Variants in AFF2 observed in about 807,000 individuals in gnomAD.
AFF2 encodes ALF transcription elongation factor 2.
In AFF2, 14 loss-of-function variants were observed where a neutral mutation model predicts 76.9. That is an observed-to-expected ratio of 0.18 (90% CI 0.12 to 0.28). The LOEUF (loss-of-function observed/expected upper bound fraction) is 0.28. AFF2 is among the 10% of genes least tolerant of loss of function. AFF2 has a pLI of 1.00. For missense variants in AFF2, 868 were observed against 1,001.1 expected (o/e 0.87, Z 1.79); for synonymous variants, 398 against 366.7 (o/e 1.09, Z -0.98).
chrX:148,816,933 CAAA>C (rs143691805), intron 4 of AFF2, among the ~76,000 whole-genome samples: 4 of 84,471 alleles, frequency 4.7e-5, no homozygotes, highest in African/African-American at 1.8e-4. Flanking sequence ...AAGATCTATG[CAAA>C]AAAAAAAAAA....
At chrX:148,581,064 T>TATATTTCCAC (rs1557244453) in intron 1 of AFF2, among the ~76,000 whole-genome samples, 1 of 99,625 alleles carries the variant, frequency 1.0e-5, no homozygotes, top group African/African-American at 3.7e-5. Flanking sequence ...TGTGTATATG[T>TATATTTCCAC]ATATATACAC....
chrX:148,767,939 T>A (rs1347248387), intron 3 of AFF2, among the ~76,000 whole-genome samples: 2 of 110,442 alleles, frequency 1.8e-5, no homozygotes, highest in Non-Finnish European at 3.8e-5. Context: ...AATTGTAACA[T>A]GTGCTCTATC....
intron 3 of AFF2, among the ~76,000 whole-genome samples, chrX:148,720,964 G>T (rs781904905): frequency 9.0e-6 from 1 of 111,653 alleles, no homozygotes; most frequent in South Asian, 3.8e-4. Context: ...CCTCCATAGA[G>T]ATATGAGATA....
At chrX:148,857,336 A>G (rs975289882) in intron 7 of AFF2, among the ~76,000 whole-genome samples, 1 of 111,645 alleles carries the variant, frequency 9.0e-6, no homozygotes, top group African/African-American at 3.2e-5. Flanking sequence ...CTTCAGGCCC[A>G]ATAGACGAAT....
At chrX:148,715,052 A>G (rs2055011726) in intron 3 of AFF2, among the ~76,000 whole-genome samples, 1 of 110,560 alleles carries the variant, frequency 9.0e-6, no homozygotes, top group Non-Finnish European at 1.9e-5. Context: ...GCCAGGAAAA[A>G]CCAGGAATGC....
At chrX:148,572,961 C>T (rs6641239) in intron 1 of AFF2, among the ~76,000 whole-genome samples, 13,876 of 110,336 alleles carry the variant, frequency 0.13, 829 homozygotes, top group Non-Finnish European at 0.18. Context: ...CTAGCTTTAA[C>T]ATTCACTGAT....
intron 9 of AFF2, among the ~76,000 whole-genome samples, chrX:148,911,112 TGTG>T: frequency 9.1e-6 from 1 of 110,348 alleles, no homozygotes; most frequent in East Asian, 2.9e-4. Context: ...TGTGTGTGTG[TGTG>T]TTTATGTGTG....
chrX:148,722,400 C>T (rs1176104027), intron 3 of AFF2, among the ~76,000 whole-genome samples: 3 of 110,154 alleles, frequency 2.7e-5, no homozygotes, highest in African/African-American at 9.9e-5. Context: ...TGTCTTATTC[C>T]CCCTCTTAAA....
intron 1 of AFF2, among the ~76,000 whole-genome samples, chrX:148,579,377 T>C (rs1168561549): frequency 1.8e-5 from 2 of 111,556 alleles, no homozygotes; most frequent in Non-Finnish European, 3.8e-5. Flanking sequence ...AGCTAAGTTT[T>C]ACCTGAGATG....
chrX:148,814,769 C>A (rs1240846873), intron 4 of AFF2, among the ~76,000 whole-genome samples: 1 of 111,380 alleles, frequency 9.0e-6, no homozygotes, highest in Non-Finnish European at 1.9e-5. Flanking sequence ...CAAATATTTA[C>A]AGGGCAGTGC....
intron 3 of AFF2, among the ~76,000 whole-genome samples, chrX:148,667,132 C>T (rs782660894): frequency 8.9e-6 from 1 of 112,152 alleles, no homozygotes; most frequent in South Asian, 3.7e-4. Context: ...AAACTAGTGG[C>T]CTTAGAAAAC....
Position 148,997,290 on chromosome X carries a change from C to G in AFF2, c.*5958C>G, listed in dbSNP as rs988162201. On this transcript the variant is annotated 3_prime_UTR_variant, in exon 21 of 21. Coordinates refer to ENST00000370460, the MANE Select transcript of AFF2 (RefSeq NM_002025.4). ...TAATGAGGCTTTCATTAAATACACACACACACACACTCACACACACACACA... is the reference window on the plus strand; with the variant it reads ...TAATGAGGCTTTCATTAAATACACAGACACACACACTCACACACACACACA... 21 of 107,739 alleles carry G rather than the reference C, an allele frequency of 1.9e-4. No homozygotes were observed. Among genetic ancestry groups the G allele is most frequent in the Non-Finnish European group, 3.8e-4 (20 of 53,049 alleles). 8.9% of individuals were successfully genotyped at this position (107,739 alleles called of 1,213,427 possible). A position where few individuals can be genotyped will look rare whatever the true frequency, so the allele number is the denominator to read the frequency against.
rs1471829923 is a variant in AFF2 at position 148,956,451 on chromosome X, G to C, written c.2406G>C (p.Trp802Cys). ...LRDHENLKNL[W>C]VKIDLDLLSR... ...ATCATGAGAACCTGAAAAACCTCTG[G>C]GTGAAGATTGACCTTGACTTACTCT... The change falls in exon 11 of 21, where the codon TGG becomes TGC. Residue 802 changes from tryptophan (W) to cysteine (C), a missense_variant. This residue lies in a region of AFF2 where 532 missense variants were observed against 564.2 expected (regional missense o/e 0.94). Coordinates refer to ENST00000370460, the MANE Select transcript of AFF2 (RefSeq NM_002025.4). The C allele has an allele frequency of 2.5e-6, 3 of 1,209,755 alleles. No individual in the cohort carries two copies. Among genetic ancestry groups the C allele is most frequent in the East Asian group, 3.0e-5 (1 of 33,767 alleles).
In AFF2 at chrX:148,826,372, T is replaced by A. The variant is rs138013779; in HGVS notation, c.1087-11275T>A. On this transcript the variant is annotated intron_variant, in intron 4 of 20. Coordinates refer to ENST00000370460, the MANE Select transcript of AFF2 (RefSeq NM_002025.4). ...TTTTATAATAGTCTTCTTGTGTGAT[T>A]GTTACCTTTTAATTAAAAAAAAAAA... Among the ~76,000 whole-genome samples the A allele has an allele frequency of 3.4e-3, 369 of 109,963 alleles. 3 individuals carry two copies. Among genetic ancestry groups the A allele is most frequent in the African/African-American group, 0.012 (349 of 29,937 alleles).
At chrX:148,524,912 C>T (rs2052642094) in intron 1 of AFF2, among the ~76,000 whole-genome samples, 1 of 111,713 alleles carries the variant, frequency 9.0e-6, no homozygotes. Context: ...GGCACCTCTC[C>T]CTTTTAAGTG....
chrX:148,669,002 C>T (rs1304768880), intron 3 of AFF2, among the ~76,000 whole-genome samples: 2 of 111,908 alleles, frequency 1.8e-5, no homozygotes, highest in Non-Finnish European at 1.9e-5. Context: ...CACCCAAGCC[C>T]CCTCTTGAAT....
chrX:148,806,514 T>G (rs1843448286), intron 3 of AFF2, among the ~76,000 whole-genome samples: 2 of 111,818 alleles, frequency 1.8e-5, no homozygotes, highest in African/African-American at 3.3e-5. Flanking sequence ...TGGTCTTGTC[T>G]GTTTCCCCGT....
chrX:148,523,758 T>C (rs1207879010), intron 1 of AFF2, among the ~76,000 whole-genome samples: 1 of 112,472 alleles, frequency 8.9e-6, no homozygotes, highest in Non-Finnish European at 1.9e-5. Context: ...TTTTCTTTTC[T>C]CTTTCATGTA....
chrX:148,897,249 A>AGTCCAC (rs1307369506), intron 8 of AFF2, among the ~76,000 whole-genome samples: 1 of 36,632 alleles, frequency 2.7e-5, no homozygotes, highest in Non-Finnish European at 4.7e-5. Flanking sequence ...ATATATATAT[A>AGTCCAC]TATATATATA....
Sources: gnomAD v4.1 joint callset for allele counts (sites outside exome capture counted in the v4.1 genomes callset) on GRCh38, gnomAD v4.1.1 for gene constraint, gnomAD v4.1.1 regional missense constraint, MANE v1.5 for transcripts, NCBI Gene and HGNC (gene_info 2026-07-23, HGNC 2026-07-21) for gene names.